Variants in NR4A2 observed in about 807,000 individuals in gnomAD.
NR4A2 encodes NGFI-B/nur77 beta-type transcription factor homolog.
A neutral mutation model predicts 50.5 loss-of-function variants in NR4A2; 1 was observed. That is an observed-to-expected ratio of 0.02 (90% confidence interval 0.01 to 0.09). NR4A2 has a LOEUF of 0.09. Among genes scored for constraint, NR4A2 ranks in the 10% least tolerant of loss-of-function variants. The probability of loss-of-function intolerance (pLI) is 1.00; values close to 1 mark genes in which losing one functional copy is unlikely to be tolerated. For missense variants in NR4A2, 613 were observed against 777.3 expected (o/e 0.79, Z 2.51); for synonymous variants, 328 against 309.4 (o/e 1.06, Z -0.63).
rs1336757897 is a variant in NR4A2, at chr2:156,327,963, G to A, written c.1046C>T (p.Pro349Leu). 1.6e-5 allele frequency: 25 copies of A among 1,601,866 alleles called. No homozygotes were observed. Among genetic ancestry groups the A allele is most frequent in the Non-Finnish European group, 2.1e-5 (25 of 1,173,422 alleles). Residue 349 changes from proline to leucine, a missense_variant, in exon 5 of 8, where the codon CCG (proline) becomes CTG (leucine). Coordinates refer to ENST00000339562, the MANE Select transcript of NR4A2 (RefSeq NM_006186.4). ...KGRRGRLPSK[P>L]KSPQEPSPPS... ...GGGAGAGGGCTCCTGTGGGCTCTTCGGTTTCGAGGGCAAACGACCTCTCCG... is the reference window on the plus strand; with the variant it reads ...GGGAGAGGGCTCCTGTGGGCTCTTCAGTTTCGAGGGCAAACGACCTCTCCG...
chr2:156,332,720 TTGCGCTGCCGCTGCCAACA>T, exon 1 of NR4A2: 1 of 351,626 alleles, frequency 2.8e-6, no homozygotes, highest in South Asian at 2.1e-5. Context: ...TTTATGTGGC[TTGCGCTGCCGCTGCCAACA>T]TGCACCTAAA....
rs1168301304 is a variant in NR4A2 at position 156,329,865 on chromosome 2, G to C, written c.322C>G (p.Pro108Ala). 6.2e-7 allele frequency: 1 copy of C among 1,614,198 alleles called. No individual in the cohort carries two copies. The highest frequency in any genetic ancestry group is 1.1e-5 in the South Asian group (1 of 91,080). The change falls in exon 3 of 8, where the codon CCC becomes GCC. Residue 108 changes from proline (P) to alanine (A), a missense_variant. Pro to Ala is a conservative substitution (Grantham distance 27). Transcript: ENST00000339562. This position sits in a 1 kb window ranked among gnomAD's most constrained non-coding sequence, Gnocchi z 7.5. ...HNYQQHSHLP[P>A]QSEEMMPHSG... ...TGCGGCATCATCTCCTCAGACTGGG[G>C]GGGCAGGTGGCTGTGTTGCTGGTAG... is the stretch of plus-strand genomic sequence containing the variant.
At position 156,329,621 on chromosome 2, in the gene NR4A2, C is replaced by T; in HGVS notation, c.566G>A (p.Ser189Asn). 1 of 1,612,652 alleles carries T rather than the reference C, an allele frequency of 6.2e-7. No homozygotes were observed. Among genetic ancestry groups the T allele is most frequent in the Non-Finnish European group, 8.5e-7 (1 of 1,179,346 alleles). Residue 189 changes from serine (S) to asparagine (N), a missense_variant, in exon 3 of 8, where the codon AGT (serine) becomes AAT (asparagine). Physicochemically the swap from Ser to Asn is conservative, Grantham distance 46. Transcript: ENST00000339562. The surrounding 1 kb of genome is among the most constrained non-coding windows in gnomAD (Gnocchi z 7.5). ...GGGCCCGTCGAAGCGCATCTGGCAA[C>T]TAGACACCGGGGTGCCAGGGGGCGA... ...KQSPPGTPVS[S>N]CQMRFDGPLH... is the part of the protein sequence containing the mutation.
In NR4A2 at chr2:156,326,906, A is replaced by G; in HGVS notation, c.1173T>C (p.Pro391=). ...TGTCATCTCCACTCATTTGATAGTC[A>G]GGGTTCGCCTGGAACTGGAATTTCA... The part of the protein sequence containing the change: ...SLDYSRFQAN[P]DYQMSGDDTQ... Residue 391 remains proline (P), a synonymous_variant, in exon 6 of 8, where the codon CCT becomes CCC. Transcript: ENST00000339562. The surrounding 1 kb of genome is among the most constrained non-coding windows in gnomAD (Gnocchi z 4.2). 6.2e-7 allele frequency: 1 copy of G among 1,614,208 alleles called. No individual in the cohort carries two copies. Among genetic ancestry groups the G allele is most frequent in the Non-Finnish European group, 8.5e-7 (1 of 1,180,022 alleles).
chr2:156,327,955 G>T lies in NR4A2; in HGVS notation c.1054C>A (p.Pro352Thr). Residue 352 changes from proline to threonine, a missense_variant, in exon 5 of 8, where the codon CCA becomes ACA. By Grantham distance (38) the Pro-to-Thr change is conservative. This residue lies in a region of NR4A2 where 250 missense variants were observed against 311.3 expected (regional missense o/e 0.80). Coordinates refer to ENST00000339562, the MANE Select transcript of NR4A2 (RefSeq NM_006186.4). ...RGRLPSKPKS[P>T]QEPSPPSPPV... is the part of the protein sequence containing the mutation. ...GGCGAAGGGGGAGAGGGCTCCTGTG[G>T]GCTCTTCGGTTTCGAGGGCAAACGA... 1 of 1,599,732 alleles carries T rather than the reference G, an allele frequency of 6.3e-7. No homozygotes were observed. The highest frequency in any genetic ancestry group is 1.3e-5 in the African/African-American group (1 of 74,858).
At chr2:156,327,771 AG>A (rs1260038193) in intron 5 of NR4A2, 79 bp downstream of exon 5, 2 of 1,516,138 alleles carry the variant, frequency 1.3e-6, no homozygotes, top group African/African-American at 2.8e-5. Flanking sequence ...GTTGAATCTG[AG>A]AGTTAATGAC....
chr2:156,326,654 T>C lies in NR4A2; in HGVS notation c.1361+64A>G. On this transcript the variant is annotated intron_variant, in intron 6 of 7. Transcript: ENST00000339562. This position sits in a 1 kb window ranked among gnomAD's most constrained non-coding sequence, Gnocchi z 4.2. ...CCACCCTCTGGTTTCCCTTCCTCCC[T>C]TTCTTTTCCTTTCTTGATTTCTCTC... 6.4e-7 allele frequency: 1 copy of C among 1,554,458 alleles called. No homozygotes were observed. Among genetic ancestry groups the C allele is most frequent in the African/African-American group, 1.4e-5 (1 of 73,396 alleles).
Position 156,326,438 on chromosome 2 carries a change from G to GAAGAGTTAATA in NR4A2, c.1362-121_1362-111dup. On this transcript the variant is annotated intron_variant, in intron 6 of 7. Coordinates refer to ENST00000339562, the MANE Select transcript of NR4A2 (RefSeq NM_006186.4). The surrounding 1 kb of genome is among the most constrained non-coding windows in gnomAD (Gnocchi z 4.2). ...GGGATTTAAGAGTCACCTAATTACT[G>GAAGAGTTAATA]AAGAGTTAATAAAATGTAGACCAGT... The GAAGAGTTAATA allele has an allele frequency of 9.3e-7, 1 of 1,073,264 alleles. No homozygotes were observed. Among genetic ancestry groups the GAAGAGTTAATA allele is most frequent in the Non-Finnish European group, 1.4e-6 (1 of 701,622 alleles). The allele number at this position is 1,073,264 out of a possible 1,614,324, so 66.5% of individuals were successfully genotyped here.
chr2:156,330,450 C>T (rs564272148), intron 2 of NR4A2, among the ~76,000 whole-genome samples: 2 of 152,292 alleles, frequency 1.3e-5, no homozygotes, highest in South Asian at 2.1e-4. Context: ...CATACCCCCC[C>T]ACTCATCCCA....
chr2:156,328,120 G>C lies in NR4A2; in HGVS notation c.995-106C>G. On this transcript the variant is annotated intron_variant, in intron 4 of 7. Transcript: ENST00000339562. This position sits in a 1 kb window ranked among gnomAD's most constrained non-coding sequence, Gnocchi z 4.9. ...GCAGCCGCGGGGCACCAGGCTGAGC[G>C]GCTGAGGGCCCCAGTGCTTGTAAAG... 1 of 1,443,770 alleles carries C rather than the reference G, an allele frequency of 6.9e-7. No homozygotes were observed. The highest frequency in any genetic ancestry group is 9.5e-7 in the Non-Finnish European group (1 of 1,052,018). The allele number at this position is 1,443,770 out of a possible 1,614,324, so 89.4% of individuals were successfully genotyped here. A position where few individuals can be genotyped will look rare whatever the true frequency, so the allele number is the denominator to read the frequency against.
rs906195253 is a variant in NR4A2, at chr2:156,326,478, T to C, written c.1362-150A>G. 14 of 893,276 alleles carry C rather than the reference T, an allele frequency of 1.6e-5. No homozygotes were observed. The African/African-American group carries it at 2.3e-4, about 15-fold the overall frequency. 55.3% of individuals were successfully genotyped at this position (893,276 alleles called of 1,614,324 possible). Reference sequence around the variant, plus strand: ...TGTAGACCAGTGGACCTTGAAAGGGTTTAATTTCATAACAATCAAGAACGC... The same window carrying C: ...TGTAGACCAGTGGACCTTGAAAGGGCTTAATTTCATAACAATCAAGAACGC... On this transcript the variant is annotated intron_variant, in intron 6 of 7. Coordinates refer to ENST00000339562, the MANE Select transcript of NR4A2 (RefSeq NM_006186.4). This position sits in a 1 kb window ranked among gnomAD's most constrained non-coding sequence, Gnocchi z 4.2.
At position 156,326,866 on chromosome 2, in the gene NR4A2, G is replaced by T; in HGVS notation, c.1213C>A (p.Gln405Lys). The T allele has an allele frequency of 6.2e-7, 1 of 1,614,216 alleles. No homozygotes were observed. The highest frequency in any genetic ancestry group is 8.5e-7 in the Non-Finnish European group (1 of 1,180,038). Reference sequence around the variant, plus strand: ...GAGCCAGTCAGGAGATCATAGAATTGCTGGATATGCTGGGTGTCATCTCCA... The same window carrying T: ...GAGCCAGTCAGGAGATCATAGAATTTCTGGATATGCTGGGTGTCATCTCCA... ...MSGDDTQHIQ[Q>K]FYDLLTGSME... is the part of the protein sequence containing the mutation. The change falls in exon 6 of 8, where the codon CAA (glutamine) becomes AAA (lysine). Residue 405 changes from glutamine (Q) to lysine (K), a missense_variant. Physicochemically the swap from Gln to Lys is moderately conservative, Grantham distance 53. Around this residue, in one of 4 missense-constraint regions of NR4A2, gnomAD observed 250 missense variants for 311.3 expected, o/e 0.80. Transcript: ENST00000339562. The surrounding 1 kb of genome is among the most constrained non-coding windows in gnomAD (Gnocchi z 4.2).
Position 156,325,635 on chromosome 2 carries a change from G to C in NR4A2, c.*109C>G, listed in dbSNP as rs1036732619. Reference sequence around the variant, plus strand: ...GCTAGGAGGGTTACAGAAATGGGGGGCAGCTTGAGCTGAGACTGCTCACAC... The same window carrying C: ...GCTAGGAGGGTTACAGAAATGGGGGCCAGCTTGAGCTGAGACTGCTCACAC... On this transcript the variant is annotated 3_prime_UTR_variant, in exon 8 of 8. Transcript: ENST00000339562. 33 of 1,361,942 alleles carry C rather than the reference G, an allele frequency of 2.4e-5. No homozygotes were observed. The highest frequency in any genetic ancestry group is 3.5e-5 in the Non-Finnish European group (33 of 952,778). 84.4% of individuals were successfully genotyped at this position (1,361,942 alleles called of 1,614,324 possible).
Sources: allele counts gnomAD v4.1 joint callset (sites outside exome capture counted in the v4.1 genomes callset), GRCh38; gene constraint gnomAD v4.1.1; regional missense constraint gnomAD v4.1.1; non-coding constraint Gnocchi (gnomAD v3.1); transcripts MANE v1.5; gene names NCBI Gene and HGNC (gene_info 2026-07-23, HGNC 2026-07-21).